NTM: variants seen among roughly 807,000 people sequenced by gnomAD.
The protein encoded by NTM is neurotrimin.
NTM carries 13 observed loss-of-function variants against 42.1 expected under a neutral mutation model. The ratio of observed to expected loss-of-function variants is 0.31; its 90% CI spans 0.20 to 0.49. The LOEUF (loss-of-function observed/expected upper bound fraction) is 0.49, where lower values mean the gene tolerates loss of function less well. NTM is among the 20% of genes least tolerant of loss of function. NTM has a pLI of 0.99. For missense variants in NTM, 373 were observed against 452.8 expected, an observed-to-expected ratio of 0.82 and a Z score of 1.60; for synonymous variants, 187 against 179.2, an observed-to-expected ratio of 1.04 and a Z score of -0.35.
chr11:132,318,640 T>C (rs570419541), intron 7 of NTM, among the ~76,000 whole-genome samples: 3 of 152,292 alleles, frequency 2.0e-5, no homozygotes, highest in Admixed American at 2.0e-4. Flanking sequence ...TGGAATAAAA[T>C]GGGTGCCGCG....
intron 1 of NTM, among the ~76,000 whole-genome samples, chr11:131,390,527 G>A (rs375576000): frequency 3.0e-4 from 46 of 152,282 alleles, no homozygotes; most frequent in African/African-American, 1.0e-3. Flanking sequence ...AATTTGGGAG[G>A]AATTAATTAG....
At chr11:131,728,253 C>G (rs536081380) in intron 1 of NTM, among the ~76,000 whole-genome samples, 2 of 152,326 alleles carry the variant, frequency 1.3e-5, no homozygotes, top group South Asian at 4.1e-4. Context: ...ACTGTTTCCC[C>G]ACTTCTAATG....
intron 1 of NTM, among the ~76,000 whole-genome samples, chr11:131,617,564 G>A (rs1328454341): frequency 6.6e-6 from 1 of 152,132 alleles, no homozygotes; most frequent in East Asian, 1.9e-4. Flanking sequence ...TGTGCTCAAG[G>A]CTGGTGTCTG....
chr11:131,870,442 T>C (rs1300673215), intron 1 of NTM, among the ~76,000 whole-genome samples: 1 of 152,156 alleles, frequency 6.6e-6, no homozygotes, highest in Admixed American at 6.5e-5. Context: ...TTCCTCTGAG[T>C]AGAAAGCTTG....
chr11:131,648,971 CAA>C (rs2066118041), intron 1 of NTM, among the ~76,000 whole-genome samples: 1 of 152,194 alleles, frequency 6.6e-6, no homozygotes, highest in Admixed American at 6.5e-5. Context: ...AAGGACTTGA[CAA>C]AGAGCAAAGC....
At chr11:131,528,752 G>A (rs1292009220) in intron 1 of NTM, among the ~76,000 whole-genome samples, 1 of 152,142 alleles carries the variant, frequency 6.6e-6, no homozygotes, top group Admixed American at 6.6e-5. Flanking sequence ...CTAAATAAAT[G>A]GGTGAATGAG....
chr11:132,212,866 C>T (rs1208328022), intron 4 of NTM, among the ~76,000 whole-genome samples: 6 of 151,718 alleles, frequency 4.0e-5, no homozygotes, highest in Admixed American at 2.0e-4. Context: ...TGTAATAGTC[C>T]AGCCTCTCTT....
At chr11:131,909,046 C>T (rs1164758401) in intron 1 of NTM, among the ~76,000 whole-genome samples, 2 of 152,166 alleles carry the variant, frequency 1.3e-5, no homozygotes, top group Non-Finnish European at 2.9e-5. Flanking sequence ...TCAGAAAAGT[C>T]ACCGGAGGAG....
chr11:132,263,871 A>G (rs2093019037), intron 4 of NTM, among the ~76,000 whole-genome samples: 1 of 152,228 alleles, frequency 6.6e-6, no homozygotes, highest in Non-Finnish European at 1.5e-5. Flanking sequence ...AAATCTCGTC[A>G]GAACGGCTTT....
intron 2 of NTM, among the ~76,000 whole-genome samples, chr11:131,956,607 G>T (rs2061584362): frequency 6.6e-6 from 1 of 152,004 alleles, no homozygotes; most frequent in Non-Finnish European, 1.5e-5. Context: ...TCGGGGGGTT[G>T]GGGGTGGGGG....
chr11:131,828,859 A>G (rs1300424020), intron 1 of NTM, among the ~76,000 whole-genome samples: 1 of 152,102 alleles, frequency 6.6e-6, no homozygotes, highest in African/African-American at 2.4e-5. Flanking sequence ...ATTCAGTGCA[A>G]TTGATCATAA....
chr11:132,248,989 C>A (rs540106397), intron 4 of NTM, among the ~76,000 whole-genome samples: 2 of 152,314 alleles, frequency 1.3e-5, no homozygotes, highest in East Asian at 3.9e-4. Context: ...CTGCAGCCTT[C>A]CCTGCCATGG....
intron 1 of NTM, among the ~76,000 whole-genome samples, chr11:131,852,223 C>T (rs1480713853): frequency 6.6e-6 from 1 of 152,092 alleles, no homozygotes; most frequent in Non-Finnish European, 1.5e-5. Flanking sequence ...GAACTTCAAA[C>T]AAGGGGAGGA....
chr11:132,073,670 A>G (rs1397599848), intron 2 of NTM, among the ~76,000 whole-genome samples: 1 of 152,232 alleles, frequency 6.6e-6, no homozygotes, highest in African/African-American at 2.4e-5. Context: ...TCATTTTGAA[A>G]TAAAGCACCC....
chr11:132,334,988 C>A, intron 8 of NTM, 58 bp from the exon 9 acceptor site: 1 of 1,587,908 alleles, frequency 6.3e-7, no homozygotes, highest in Non-Finnish European at 8.6e-7. Context: ...CAGGCAACCA[C>A]CGGGCTTTCC....
intron 1 of NTM, among the ~76,000 whole-genome samples, chr11:131,428,806 G>A (rs186607114): frequency 2.3e-4 from 35 of 151,206 alleles, no homozygotes; most frequent in Middle Eastern, 3.4e-3. Context: ...AGGCTGAGGC[G>A]GGTGGAACAT....
rs149709675 is a variant in NTM, at chr11:131,527,178, G to T, written c.82+156290G>T. Among the ~76,000 whole-genome samples the T allele has an allele frequency of 1.7e-3, 255 of 152,284 alleles. 1 individual carries two copies. Among genetic ancestry groups the T allele is most frequent in the African/African-American group, 5.9e-3 (244 of 41,554 alleles). The stretch of plus-strand genomic sequence containing the variant: ...CCAGAGCTGACTAGCTATTCTCGTC[G>T]TATGTGCTGGTTCTAAATGGCTAAG... On this transcript the variant is annotated intron_variant, in intron 1 of 8. Coordinates refer to ENST00000683400, the MANE Select transcript of NTM (RefSeq NM_001352005.2).
chr11:132,106,042 C>G (rs1421938469), intron 2 of NTM, among the ~76,000 whole-genome samples: 1 of 152,122 alleles, frequency 6.6e-6, no homozygotes, highest in Non-Finnish European at 1.5e-5. Flanking sequence ...CCGTGGCAAC[C>G]AGGGTGGATA....
At chr11:131,426,407 G>A (rs555552419) in intron 1 of NTM, among the ~76,000 whole-genome samples, 1 of 152,216 alleles carries the variant, frequency 6.6e-6, no homozygotes, top group South Asian at 2.1e-4. Context: ...CCACACACCC[G>A]AGGAACCCTG....
Sources: allele counts gnomAD v4.1 joint callset (sites outside exome capture counted in the v4.1 genomes callset), GRCh38; gene constraint gnomAD v4.1.1; transcripts MANE v1.5; gene names NCBI Gene and HGNC (gene_info 2026-07-23, HGNC 2026-07-21).